PTPRB: variants seen among roughly 807,000 people sequenced by gnomAD.
PTPRB encodes the protein protein tyrosine phosphatase receptor type B.
A neutral mutation model predicts 238.1 loss-of-function variants in PTPRB; 97 were observed. The ratio of observed to expected loss-of-function variants is 0.41; its 90% confidence interval spans 0.35 to 0.48. The LOEUF (loss-of-function observed/expected upper bound fraction) is 0.48. PTPRB is among the 20% of genes least tolerant of loss of function. PTPRB has a pLI of 0.30. For synonymous variants in PTPRB, 970 were observed against 995.4 expected (o/e 0.97, Z 0.48); for missense variants, 2,292 against 2,681.9 (o/e 0.85, Z 3.21).
At chr12:70,540,829 C>T (rs1300563199) in intron 23 of PTPRB, 29 bp downstream of exon 23, 1 of 1,517,252 alleles carries the variant, frequency 6.6e-7, no homozygotes, top group Admixed American at 1.9e-5. Flanking sequence ...AGTTGTGGGT[C>T]CAATCACCAA....
chr12:70,551,211 T>C (rs1370582675), intron 21 of PTPRB, among the ~76,000 whole-genome samples: 1 of 152,202 alleles, frequency 6.6e-6, no homozygotes, highest in Admixed American at 6.5e-5. Flanking sequence ...TCTTGATTCT[T>C]ACAGGAACTG....
At chr12:70,575,283 G>C (rs975396398) in intron 11 of PTPRB, among the ~76,000 whole-genome samples, 1 of 152,140 alleles carries the variant, frequency 6.6e-6, no homozygotes, top group Non-Finnish European at 1.5e-5. Context: ...AACAGGATTA[G>C]ATCATTCTAA....
chr12:70,635,642 C>A, intron 2 of PTPRB, 29 bp downstream of exon 2: 1 of 1,589,370 alleles, frequency 6.3e-7, no homozygotes, highest in Non-Finnish European at 8.6e-7. Flanking sequence ...GAAAGACTTT[C>A]AGGATTTGCT....
At chr12:70,602,441 C>G (rs960111644) in intron 4 of PTPRB, among the ~76,000 whole-genome samples, 1 of 152,110 alleles carries the variant, frequency 6.6e-6, no homozygotes, top group Non-Finnish European at 1.5e-5. Flanking sequence ...CCCCTGGACC[C>G]CTCTTCTAAT....
At chr12:70,534,149 A>ACTT (rs561555812) in intron 31 of PTPRB, among the ~76,000 whole-genome samples, 49 of 152,292 alleles carry the variant, frequency 3.2e-4, no homozygotes, top group African/African-American at 1.1e-3. Flanking sequence ...GTTATTGGGA[A>ACTT]CTTAGATTGA....
intron 9 of PTPRB, among the ~76,000 whole-genome samples, chr12:70,585,672 G>T (rs1254824513): frequency 6.6e-6 from 1 of 151,918 alleles, no homozygotes; most frequent in African/African-American, 2.4e-5. Context: ...TACACTTTAA[G>T]TTCTAGGGTA....
rs1880733108 is a variant in PTPRB at position 70,576,593 on chromosome 12, G to A, written c.2631C>T (p.Tyr877=). The A allele has an allele frequency of 6.5e-7, 1 of 1,527,720 alleles. No individual in the cohort carries two copies. The allele number at this position is 1,527,720 out of a possible 1,614,324, so 94.6% of individuals were successfully genotyped here. The part of the protein sequence containing the change: ...VTVNNSGRND[Y]LSVSWLLAPG... Reference sequence around the variant, plus strand: ...GCGCCAGCAGCCAGGAAACGCTGAGGTAGTCATTACGACCGGAATTGTTCA... The same window carrying A: ...GCGCCAGCAGCCAGGAAACGCTGAGATAGTCATTACGACCGGAATTGTTCA... Residue 877 remains tyrosine, a synonymous_variant, in exon 11 of 34, where the codon TAC becomes TAT. Transcript: ENST00000334414.
At chr12:70,583,293 T>C (rs1881569761) in intron 9 of PTPRB, among the ~76,000 whole-genome samples, 2 of 152,258 alleles carry the variant, frequency 1.3e-5, no homozygotes, top group Non-Finnish European at 2.9e-5. Context: ...ATGAAAATCC[T>C]TCTAATAAAC....
chr12:70,528,845 A>G (rs1164964829), intron 32 of PTPRB, among the ~76,000 whole-genome samples: 7 of 152,140 alleles, frequency 4.6e-5, no homozygotes, highest in African/African-American at 9.7e-5. Context: ...ATGGATGGCA[A>G]TACTATTAAA....
At position 70,592,976 on chromosome 12, in the gene PTPRB, C is replaced by T. The variant is rs561914178; in HGVS notation, c.1517-431G>A. Among the ~76,000 whole-genome samples, 5 of 152,198 alleles carry T rather than the reference C, an allele frequency of 3.3e-5. 1 individual carries two copies. Among genetic ancestry groups the T allele is most frequent in the Admixed American group, 3.3e-4 (5 of 15,282 alleles). ...CTTTAAGTGGAATGCACAAAAAGGTCTGCCATCTGCCTCATTTCTTATCGC... is the reference window on the plus strand; with the variant it reads ...CTTTAAGTGGAATGCACAAAAAGGTTTGCCATCTGCCTCATTTCTTATCGC... On this transcript the variant is annotated intron_variant, in intron 6 of 33. Transcript: ENST00000334414.
intron 3 of PTPRB, among the ~76,000 whole-genome samples, chr12:70,610,046 G>A (rs1026602223): frequency 2.0e-5 from 3 of 152,032 alleles, no homozygotes; most frequent in African/African-American, 2.4e-5. Context: ...GCAGCGCGCC[G>A]CCCTTCCCAC....
At position 70,609,248 on chromosome 12, in the gene PTPRB, C is replaced by T. The variant is rs745862955; in HGVS notation, c.800G>A (p.Gly267Asp). The T allele has an allele frequency of 1.2e-5, 20 of 1,613,906 alleles. No individual in the cohort carries two copies. The highest frequency in any genetic ancestry group is 1.7e-5 in the Non-Finnish European group (20 of 1,179,898). Residue 267 changes from glycine (G) to aspartate (D), a missense_variant, in exon 4 of 34, where the codon GGC (glycine) becomes GAC (aspartate). Physicochemically the swap from Gly to Asp is moderately conservative, Grantham distance 94 (BLOSUM62 -1). This residue lies in a region of PTPRB where 1,205 missense variants were observed against 1,287.8 expected (regional missense o/e 0.94). Transcript: ENST00000334414. Reference protein sequence around the residue: ...HSVSIQWRILGSPCNFSLIYS... With the variant: ...HSVSIQWRILDSPCNFSLIYS... ...GATGAGGCTAAAGTTACAGGGTGAG[C>T]CCAAAATTCTCCACTGGATAGACAC...
rs1179517080 is a variant in PTPRB, at chr12:70,519,142, A to C, written c.*2347T>G. On this transcript the variant is annotated 3_prime_UTR_variant, in exon 34 of 34. Coordinates refer to ENST00000334414, the MANE Select transcript of PTPRB (RefSeq NM_001109754.4). ...TCCTGGGTTGGATTAGACTAAAAAA[A>C]CCTACGATTTTTCCCTGTCATGTCC... is the stretch of plus-strand genomic sequence containing the variant. 2 of 152,174 alleles carry C rather than the reference A, an allele frequency of 1.3e-5. No individual in the cohort carries two copies. 9.4% of individuals were successfully genotyped at this position (152,174 alleles called of 1,614,324 possible). A position where few individuals can be genotyped will look rare whatever the true frequency, so the allele number is the denominator to read the frequency against.
At chr12:70,568,300 C>T (rs1480404872) in intron 14 of PTPRB, among the ~76,000 whole-genome samples, 1 of 152,010 alleles carries the variant, frequency 6.6e-6, no homozygotes, top group Non-Finnish European at 1.5e-5. Context: ...CTACTGAATG[C>T]CCACTTTCTT....
At chr12:70,530,175 A>G (rs1592394341) in intron 32 of PTPRB, among the ~76,000 whole-genome samples, 1 of 152,196 alleles carries the variant, frequency 6.6e-6, no homozygotes, top group Non-Finnish European at 1.5e-5. Context: ...AAAACCAAAT[A>G]TAGTTTTTTA....
At chr12:70,531,979 TG>T (rs1229864218) in intron 32 of PTPRB, 55 bp downstream of exon 32, 10 of 1,603,958 alleles carry the variant, frequency 6.2e-6, no homozygotes, top group Non-Finnish European at 7.7e-6. Flanking sequence ...GATATTTTTT[TG>T]TGGGAATACA....
chr12:70,624,535 T>C (rs939821670), intron 2 of PTPRB, among the ~76,000 whole-genome samples: 12 of 152,182 alleles, frequency 7.9e-5, no homozygotes, highest in African/African-American at 1.2e-4. Context: ...TACAACAAAC[T>C]CCAGGAAACA....
At chr12:70,526,242 G>A (rs531264293) in intron 32 of PTPRB, among the ~76,000 whole-genome samples, 10 of 152,202 alleles carry the variant, frequency 6.6e-5, no homozygotes, top group South Asian at 2.1e-4. Flanking sequence ...TTGTTCTGTC[G>A]CCTAAGCTGG....
At position 70,571,966 on chromosome 12, in the gene PTPRB, GT is replaced by G; in HGVS notation, c.2963del (p.Asn988ThrfsTer21). On this transcript the variant is annotated frameshift_variant, in exon 12 of 34. Coordinates refer to ENST00000334414, the MANE Select transcript of PTPRB (RefSeq NM_001109754.4). LOFTEE classifies it high-confidence loss of function. Reference protein sequence around the residue: ...DHYEVTIKNKNNFIQTKSIPK... With the variant: ...DHYEVTIKNKXNFIQTKSIPK... ...GAATGCTTTTAGTTTGAATGAAGTTGTTTTTGTTTTTAATGGTGACTTCATA... is the reference window on the plus strand; with the variant it reads ...GAATGCTTTTAGTTTGAATGAAGTTGTTTTGTTTTTAATGGTGACTTCATA... 1 of 1,613,976 alleles carries G rather than the reference GT, an allele frequency of 6.2e-7. No individual in the cohort carries two copies. Among genetic ancestry groups the G allele is most frequent in the Non-Finnish European group, 8.5e-7 (1 of 1,179,884 alleles).
Sources: allele counts gnomAD v4.1 joint callset (sites outside exome capture counted in the v4.1 genomes callset), GRCh38; gene constraint gnomAD v4.1.1; regional missense constraint gnomAD v4.1.1; transcripts MANE v1.5; gene names NCBI Gene and HGNC (gene_info 2026-07-23, HGNC 2026-07-21).